RBFOX3: variants seen among roughly 807,000 people sequenced by gnomAD.
The protein encoded by RBFOX3 is RNA binding protein fox-1 homolog 3.
A neutral mutation model predicts 48.7 loss-of-function variants in RBFOX3; 17 were observed. The ratio of observed to expected loss-of-function variants is 0.35; its 90% CI spans 0.24 to 0.52. The LOEUF is 0.52. Ranked by LOEUF, RBFOX3 falls within the 20% of genes least tolerant of loss-of-function variation. RBFOX3 has a pLI of 0.94. For synonymous variants in RBFOX3, 212 were observed against 209.5 expected, an observed-to-expected ratio of 1.01 and a Z score of -0.10; for missense variants, 382 against 497.5, an observed-to-expected ratio of 0.77 and a Z score of 2.21.
intron 4 of RBFOX3, among the ~76,000 whole-genome samples, chr17:79,191,912 G>A (rs1599894359): frequency 6.6e-6 from 1 of 152,216 alleles, no homozygotes; most frequent in South Asian, 2.1e-4. Flanking sequence ...CACCAGGGAA[G>A]TTGTGTGAAT....
intron 2 of RBFOX3, among the ~76,000 whole-genome samples, chr17:79,476,307 T>G (rs1474924152): frequency 1.3e-5 from 2 of 152,218 alleles, no homozygotes; most frequent in Non-Finnish European, 2.9e-5. Context: ...ACCCGCCCAG[T>G]CTCCTCCGCT....
intron 1 of RBFOX3, among the ~76,000 whole-genome samples, chr17:79,483,549 G>A (rs2079091959): frequency 7.2e-6 from 1 of 139,012 alleles, no homozygotes; most frequent in African/African-American, 2.7e-5. Flanking sequence ...AAAATAACCA[G>A]CATCCCTATG....
At chr17:79,251,190 C>T (rs78095165) in intron 3 of RBFOX3, among the ~76,000 whole-genome samples, 4,676 of 152,172 alleles carry the variant, frequency 0.031, 224 homozygotes, top group African/African-American at 0.11. Flanking sequence ...ACCCTGGATG[C>T]TGTCTGTGCC....
chr17:79,146,237 G>A (rs930334294), intron 4 of RBFOX3, among the ~76,000 whole-genome samples: 9 of 152,166 alleles, frequency 5.9e-5, no homozygotes, highest in African/African-American at 1.2e-4. Context: ...TTGTCACAAC[G>A]TGGGGTGTCC....
At position 79,175,006 on chromosome 17, in the gene RBFOX3, G is replaced by A. The variant is rs532462869; in HGVS notation, c.-33-59258C>T. Among the ~76,000 whole-genome samples the A allele has an allele frequency of 2.6e-5, 4 of 152,016 alleles. No homozygotes were observed. The East Asian group carries it at 5.8e-4, about 22-fold the overall frequency. The stretch of plus-strand genomic sequence containing the variant: ...TCCTCTGCCCCTCTCCGAGGCCCCC[G>A]TGCCAACCCCCAGGCATGCCCCAGC... On this transcript the variant is annotated intron_variant, in intron 4 of 14. Coordinates refer to ENST00000693108, the MANE Select transcript of RBFOX3 (RefSeq NM_001350451.2).
rs964885653 is a variant in RBFOX3, at chr17:79,361,324, C to T, written c.-174-53500G>A. On this transcript the variant is annotated intron_variant, in intron 2 of 14. Transcript: ENST00000693108. The surrounding 1 kb of genome is among the most constrained non-coding windows in gnomAD (Gnocchi z 4.5). ...TTTGCCATCGGGGCTATCTGAGACGCTCATCGAGGTGCTTACCCGCTAACA... is the reference window on the plus strand; with the variant it reads ...TTTGCCATCGGGGCTATCTGAGACGTTCATCGAGGTGCTTACCCGCTAACA... Among the ~76,000 whole-genome samples, 21 of 152,212 alleles carry T rather than the reference C, an allele frequency of 1.4e-4. No individual in the cohort carries two copies. Among genetic ancestry groups the T allele is most frequent in the African/African-American group, 5.1e-4 (21 of 41,436 alleles).
chr17:79,330,456 G>GT (rs11299996), intron 2 of RBFOX3, among the ~76,000 whole-genome samples: 1 of 151,898 alleles, frequency 6.6e-6, no homozygotes, highest in African/African-American at 2.4e-5. Context: ...ACCTGTTGTG[G>GT]TTTTTTTTCT....
Position 79,205,040 on chromosome 17 carries a change from T to C in RBFOX3, c.-34+30726A>G, listed in dbSNP as rs1230761923. 6.6e-6 allele frequency among the ~76,000 whole-genome samples: 1 copy of C among 152,056 alleles called. No homozygotes were observed. Among genetic ancestry groups the C allele is most frequent in the Non-Finnish European group, 1.5e-5 (1 of 68,012 alleles). ...ATCACAACGGGAAACTGCAGTACCA[T>C]ATCCAGTTCCAGGTCTAAGGCAGTT... On this transcript the variant is annotated intron_variant, in intron 4 of 14. Transcript: ENST00000693108. This position sits in a 1 kb window ranked among gnomAD's most constrained non-coding sequence, Gnocchi z 4.5.
rs1328319284 is a variant in RBFOX3, at chr17:79,506,640, A to G, written c.-319-24042T>C. Reference sequence around the variant, plus strand: ...GCCAAGGAAGCCAATTGCCGCGGCCAGGCCTGGGGACTGGAGTGCTGAGCG... The same window carrying G: ...GCCAAGGAAGCCAATTGCCGCGGCCGGGCCTGGGGACTGGAGTGCTGAGCG... On this transcript the variant is annotated intron_variant, in intron 1 of 14. Transcript: ENST00000693108. Among the ~76,000 whole-genome samples the G allele has an allele frequency of 2.0e-5, 3 of 152,288 alleles. No homozygotes were observed. The East Asian group carries it at 5.8e-4, about 29-fold the overall frequency.
At chr17:79,501,658 C>A (rs1038407031) in intron 1 of RBFOX3, among the ~76,000 whole-genome samples, 3 of 152,330 alleles carry the variant, frequency 2.0e-5, no homozygotes, top group Admixed American at 1.3e-4. Flanking sequence ...ATAATGTGCC[C>A]TTCTCCTTAT....
chr17:79,654,113 G>A, the RBFOX3 span, among the ~76,000 whole-genome samples: 3 of 152,090 alleles, frequency 2.0e-5, no homozygotes, highest in Non-Finnish European at 4.4e-5. Context: ...AAAGAAAGAG[G>A]GAATTGTGGA....
At chr17:79,658,998 G>A in the RBFOX3 span, among the ~76,000 whole-genome samples, 1 of 152,130 alleles carries the variant, frequency 6.6e-6, no homozygotes, top group African/African-American at 2.4e-5. Context: ...TATCACAGTC[G>A]AGTGTGGTCC....
rs200561608 is a variant in RBFOX3, at chr17:79,471,740, G to A, written c.-175+10714C>T. On this transcript the variant is annotated intron_variant, in intron 2 of 14. Coordinates refer to ENST00000693108, the MANE Select transcript of RBFOX3 (RefSeq NM_001350451.2). The surrounding 1 kb of genome is among the most constrained non-coding windows in gnomAD (Gnocchi z 4.0). Reference sequence around the variant, plus strand: ...CTGCCTGTGTCCCCATGGCCAGGGCGTGTGCAGAGCCTGGGTGGACGCAGG... The same window carrying A: ...CTGCCTGTGTCCCCATGGCCAGGGCATGTGCAGAGCCTGGGTGGACGCAGG... Among the ~76,000 whole-genome samples the A allele has an allele frequency of 0.13, 19,776 of 152,260 alleles. 1,614 individuals carry two copies. Among genetic ancestry groups the A allele is most frequent in the Middle Eastern group, 0.22 (64 of 294 alleles).
At chr17:79,155,702 G>A (rs1437011725) in intron 4 of RBFOX3, among the ~76,000 whole-genome samples, 3 of 152,086 alleles carry the variant, frequency 2.0e-5, no homozygotes, top group Non-Finnish European at 4.4e-5. Flanking sequence ...AGAGAATGGA[G>A]GTGCCAGCAC....
chr17:79,148,138 C>T (rs568527024), intron 4 of RBFOX3, among the ~76,000 whole-genome samples: 3 of 152,314 alleles, frequency 2.0e-5, no homozygotes, highest in East Asian at 1.9e-4. Context: ...GACAGGAACA[C>T]GGTAGCCTCT....
intron 1 of RBFOX3, among the ~76,000 whole-genome samples, chr17:79,526,259 C>T (rs1313675473): frequency 6.6e-6 from 1 of 152,192 alleles, no homozygotes; most frequent in Non-Finnish European, 1.5e-5. Flanking sequence ...TCAGCCAGAG[C>T]GGCCCTGAAC....
At chr17:79,381,685 G>C (rs1332558701) in intron 2 of RBFOX3, among the ~76,000 whole-genome samples, 2 of 152,334 alleles carry the variant, frequency 1.3e-5, no homozygotes, top group Middle Eastern at 3.4e-3. Flanking sequence ...GGGCAGAGTT[G>C]GGGGCAGGAC....
chr17:79,587,726 C>T (rs1227053935), intron 1 of RBFOX3, among the ~76,000 whole-genome samples: 5 of 152,194 alleles, frequency 3.3e-5, no homozygotes, highest in Non-Finnish European at 7.3e-5. Context: ...ACCAGGGAAT[C>T]ACAGGACCTT....
chr17:79,188,716 C>T (rs117884170), intron 4 of RBFOX3, among the ~76,000 whole-genome samples: 1,651 of 152,250 alleles, frequency 0.011, 16 homozygotes, highest in Non-Finnish European at 0.017. Context: ...TTAAATGAGC[C>T]CCCAGGACTT....
Sources: gnomAD v4.1 joint callset for allele counts (sites outside exome capture counted in the v4.1 genomes callset) on GRCh38, gnomAD v4.1.1 for gene constraint, Gnocchi (gnomAD v3.1) non-coding constraint, MANE v1.5 for transcripts, NCBI Gene and HGNC (gene_info 2026-07-23, HGNC 2026-07-21) for gene names.